The following RCOR1 variants were observed in gnomAD, a reference collection of about 807,000 sequenced individuals.
The protein encoded by RCOR1 is REST corepressor.
Under a neutral mutation model 64.0 loss-of-function variants are expected in RCOR1, and 12 were observed. The ratio of observed to expected loss-of-function variants is 0.19; its 90% CI spans 0.12 to 0.30. RCOR1 has a LOEUF of 0.30. Among genes scored for constraint, RCOR1 ranks in the 10% least tolerant of loss-of-function variants. The pLI is 1.00. For synonymous variants in RCOR1, 279 were observed against 227.2 expected, an observed-to-expected ratio of 1.23 and a Z score of -2.05; for missense variants, 502 against 621.2, an observed-to-expected ratio of 0.81 and a Z score of 2.04.
chr14:102,712,952 T>G lies in RCOR1; in HGVS notation c.859-1471T>G, dbSNP rs568531357. On this transcript the variant is annotated intron_variant, in intron 7 of 11. Transcript: ENST00000262241. The stretch of plus-strand genomic sequence containing the variant: ...AAGAAAATGGCTAAATCATTGTTTT[T>G]TTTTTTTTTTTTTTTTTTTGGAGAT... Among the ~76,000 whole-genome samples the G allele has an allele frequency of 8.5e-4, 94 of 109,992 alleles. 2 individuals are homozygous for G. The East Asian group carries it at 0.016, about 19-fold the overall frequency. 72.2% of individuals were successfully genotyped at this position (109,992 alleles called of 152,430 possible).
intron 2 of RCOR1, among the ~76,000 whole-genome samples, chr14:102,653,247 G>C (rs1361268267): frequency 6.6e-6 from 1 of 151,196 alleles, no homozygotes; most frequent in Non-Finnish European, 1.5e-5. Flanking sequence ...ATTGAGACTT[G>C]TCTTACTTTC....
At chr14:102,629,883 A>T in intron 2 of RCOR1, 1 of 294,916 alleles carries the variant, frequency 3.4e-6, no homozygotes, top group South Asian at 1.3e-4. Context: ...GAGAGCTTAA[A>T]CGTCTTGCTT....
chr14:102,657,014 A>AT lies in RCOR1; in HGVS notation c.362-24880dup, dbSNP rs1368878185. 1.3e-5 allele frequency: 11 copies of AT among 823,294 alleles called. No individual in the cohort carries two copies. In the East Asian group the frequency reaches 1.4e-3, roughly 105 times the overall value. 51.0% of individuals were successfully genotyped at this position (823,294 alleles called of 1,614,324 possible). A position where few individuals can be genotyped will look rare whatever the true frequency, so the allele number is the denominator to read the frequency against. On this transcript the variant is annotated intron_variant, in intron 2 of 11. Coordinates refer to ENST00000262241, the MANE Select transcript of RCOR1 (RefSeq NM_015156.4). ...GGTCGCGAACTCCTGACCTCATGTG[A>AT]TCCACCCGCATCAGCCTCCCAAAGT...
chr14:102,706,226 C>T (rs931290655), intron 4 of RCOR1, among the ~76,000 whole-genome samples: 9 of 151,434 alleles, frequency 5.9e-5, no homozygotes, highest in African/African-American at 1.9e-4. Context: ...GACAGAAGTC[C>T]CTCCTTATCA....
Position 102,639,021 on chromosome 14 carries a change from T to C in RCOR1, c.362-42874T>C, listed in dbSNP as rs149423481. 3.9e-3 allele frequency among the ~76,000 whole-genome samples: 600 copies of C among 152,308 alleles called. 4 individuals carry two copies. The highest frequency in any genetic ancestry group is 0.014 in the African/African-American group (572 of 41,564). On this transcript the variant is annotated intron_variant, in intron 2 of 11. Coordinates refer to ENST00000262241, the MANE Select transcript of RCOR1 (RefSeq NM_015156.4). ...TTCTCTTGGGATTTTTTTCCTAATT[T>C]GTACAGCTACCACTGTACTGTTCAT...
chr14:102,621,367 C>CTTTTTTTTTTTTTTTTTTTTTTT (rs35481023), intron 2 of RCOR1, among the ~76,000 whole-genome samples: 1 of 78,516 alleles, frequency 1.3e-5, no homozygotes, highest in African/African-American at 5.1e-5. Context: ...CAGTCTTTGT[C>CTTTTTTTTTTTTTTTTTTTTTTT]TTTTTTTTTT....
At chr14:102,683,401 C>A (rs564175312) in intron 3 of RCOR1, among the ~76,000 whole-genome samples, 2 of 152,106 alleles carry the variant, frequency 1.3e-5, no homozygotes, top group African/African-American at 4.8e-5. Flanking sequence ...AGAAAAGAAC[C>A]GGCCAGAAAA....
At chr14:102,623,394 A>C (rs1048921546) in intron 2 of RCOR1, among the ~76,000 whole-genome samples, 1 of 136,066 alleles carries the variant, frequency 7.3e-6, no homozygotes, top group African/African-American at 3.1e-5. Flanking sequence ...TTTATTATTT[A>C]TTTATTTATT....
rs1345624242 is a variant in RCOR1, at chr14:102,676,739, C to G, written c.362-5156C>G. Among the ~76,000 whole-genome samples the G allele has an allele frequency of 6.2e-5, 7 of 113,666 alleles. No homozygotes were observed. In the East Asian group the frequency reaches 1.7e-3, roughly 28 times the overall value. 74.6% of individuals were successfully genotyped at this position (113,666 alleles called of 152,430 possible). A position where few individuals can be genotyped will look rare whatever the true frequency, so the allele number is the denominator to read the frequency against. The stretch of plus-strand genomic sequence containing the variant: ...CTGGCCGGGCGGGGGGCTGACCCCC[C>G]CCACCTCCCTCCCGGACGGGGCGGC... On this transcript the variant is annotated intron_variant, in intron 2 of 11. Coordinates refer to ENST00000262241, the MANE Select transcript of RCOR1 (RefSeq NM_015156.4).
chr14:102,714,804 A>G (rs577624500), intron 8 of RCOR1, among the ~76,000 whole-genome samples, 187 bp downstream of exon 8: 2 of 152,374 alleles, frequency 1.3e-5, no homozygotes, highest in African/African-American at 2.4e-5. Context: ...ATTGAAGTGT[A>G]TGGATATAGT....
intron 4 of RCOR1, among the ~76,000 whole-genome samples, chr14:102,706,310 A>T (rs2139982890): frequency 6.6e-6 from 1 of 152,166 alleles, no homozygotes; most frequent in Middle Eastern, 3.4e-3. Flanking sequence ...AAATTACAGG[A>T]TCCCAGTATA....
chr14:102,598,885 A>AG (rs893714590), intron 2 of RCOR1, among the ~76,000 whole-genome samples: 5 of 151,712 alleles, frequency 3.3e-5, no homozygotes, highest in African/African-American at 7.3e-5. Context: ...AAAAAAAAAG[A>AG]GTTAAAAACC....
intron 2 of RCOR1, among the ~76,000 whole-genome samples, chr14:102,638,957 C>T (rs1567417794): frequency 6.6e-6 from 1 of 152,188 alleles, no homozygotes; most frequent in Non-Finnish European, 1.5e-5. Flanking sequence ...ACTACTGTGC[C>T]CAGCCTAGTA....
chr14:102,665,193 T>G (rs1050969802), intron 2 of RCOR1, among the ~76,000 whole-genome samples: 17 of 152,164 alleles, frequency 1.1e-4, no homozygotes, highest in African/African-American at 3.9e-4. Flanking sequence ...TTAGTAGAGA[T>G]AGAGTTTCTC....
In RCOR1 at chr14:102,722,180, T is replaced by A. The variant is rs1471557985; in HGVS notation, c.1190-7T>A. 7 of 1,609,092 alleles carry A rather than the reference T, an allele frequency of 4.4e-6. No individual in the cohort carries two copies. The East Asian group carries it at 1.6e-4, about 36-fold the overall frequency. ...GTATTTTAAAAAATGCTTTCTTACA[T>A]CCTTAGCCATCAGGAAATATGGCCG... is the stretch of plus-strand genomic sequence containing the variant. On this transcript the variant is annotated splice_region_variant and splice_polypyrimidine_tract_variant and intron_variant, in intron 10 of 11. Coordinates refer to ENST00000262241, the MANE Select transcript of RCOR1 (RefSeq NM_015156.4).
At chr14:102,717,336 A>AAACAG (rs1466185588) in intron 8 of RCOR1, among the ~76,000 whole-genome samples, 2 of 152,192 alleles carry the variant, frequency 1.3e-5, no homozygotes, top group Non-Finnish European at 2.9e-5. Context: ...CTGTCATCTC[A>AAACAG]TAGACGCGAA....
intron 2 of RCOR1, among the ~76,000 whole-genome samples, chr14:102,614,205 G>T (rs1893698510): frequency 7.1e-6 from 1 of 141,036 alleles, no homozygotes; most frequent in Admixed American, 7.3e-5. Context: ...ATGTTTTTAA[G>T]ATTTTTAAAC....
At chr14:102,720,038 G>GTGTGA (rs1896145807) in intron 8 of RCOR1, among the ~76,000 whole-genome samples, 1 of 152,126 alleles carries the variant, frequency 6.6e-6, no homozygotes, top group Admixed American at 6.5e-5. Context: ...CCCATGTGTG[G>GTGTGA]TTGTTTAAAT....
intron 3 of RCOR1, among the ~76,000 whole-genome samples, chr14:102,692,852 G>C (rs1368190430): frequency 2.8e-5 from 4 of 144,274 alleles, no homozygotes; most frequent in Admixed American, 1.4e-4. Flanking sequence ...TGCAACCTCC[G>C]CCTCCCAGGT....
Sources: allele counts gnomAD v4.1 joint callset (sites outside exome capture counted in the v4.1 genomes callset), GRCh38; gene constraint gnomAD v4.1.1; transcripts MANE v1.5; gene names NCBI Gene and HGNC (gene_info 2026-07-23, HGNC 2026-07-21).